NCKAP5: variants seen among roughly 807,000 people sequenced by gnomAD.
The protein encoded by NCKAP5 is NCK associated protein 5, also known as nck-associated protein 5.
A neutral mutation model predicts 167.0 loss-of-function variants in NCKAP5; 92 were observed. The observed-to-expected ratio is 0.55, with a 90% CI of 0.47 to 0.66. The LOEUF is 0.66. Among genes scored for constraint, NCKAP5 ranks in the 30% least tolerant of loss-of-function variants. The pLI, the probability that NCKAP5 is intolerant of heterozygous loss-of-function variation, is 0.00. For missense variants in NCKAP5, 2,378 were observed against 2,315.0 expected, an observed-to-expected ratio of 1.03 and a Z score of -0.56; for synonymous variants, 891 against 877.4, an observed-to-expected ratio of 1.02 and a Z score of -0.27.
At chr2:132,775,747 T>TA (rs1682493469) in intron 15 of NCKAP5, among the ~76,000 whole-genome samples, 2 of 152,212 alleles carry the variant, frequency 1.3e-5, no homozygotes, top group Admixed American at 1.3e-4. Flanking sequence ...TTTCCATTAA[T>TA]AATCCACTGG....
At chr2:133,342,566 T>C (rs953313442) in intron 3 of NCKAP5, among the ~76,000 whole-genome samples, 2 of 152,146 alleles carry the variant, frequency 1.3e-5, no homozygotes, top group African/African-American at 4.8e-5. Context: ...TATACTAGTA[T>C]GCTTTTTTTC....
At chr2:132,998,668 G>T (rs2077683078) in intron 6 of NCKAP5, among the ~76,000 whole-genome samples, 1 of 151,908 alleles carries the variant, frequency 6.6e-6, no homozygotes, top group African/African-American at 2.4e-5. Context: ...AAAGACTAAA[G>T]CATCTTCCAT....
chr2:133,262,384 C>A (rs372709208), intron 4 of NCKAP5, among the ~76,000 whole-genome samples: 1 of 152,278 alleles, frequency 6.6e-6, no homozygotes, highest in South Asian at 2.1e-4. Context: ...ATGTTCAAGA[C>A]CTTTCAACAC....
rs186150858 is a variant in NCKAP5, at chr2:133,485,055, T to C, written c.69+32403A>G. 1.5e-4 allele frequency among the ~76,000 whole-genome samples: 23 copies of C among 152,328 alleles called. No homozygotes were observed. The East Asian group carries it at 4.4e-3, about 29-fold the overall frequency. On this transcript the variant is annotated intron_variant, in intron 3 of 19. Coordinates refer to ENST00000409261, the MANE Select transcript of NCKAP5 (RefSeq NM_207363.3). Reference sequence around the variant, plus strand: ...GCTTGATGTAGTATATGCCTATCATTCCATCATTCATTTACTTGGCCATCA... The same window carrying C: ...GCTTGATGTAGTATATGCCTATCATCCCATCATTCATTTACTTGGCCATCA...
At chr2:133,625,306 C>T in the NCKAP5 span, among the ~76,000 whole-genome samples, 1 of 152,116 alleles carries the variant, frequency 6.6e-6, no homozygotes, top group Non-Finnish European at 1.5e-5. Flanking sequence ...AGACACTATA[C>T]ATATTCCTTT....
At chr2:133,388,490 G>A (rs1687159020) in intron 3 of NCKAP5, among the ~76,000 whole-genome samples, 1 of 152,212 alleles carries the variant, frequency 6.6e-6, no homozygotes, top group Non-Finnish European at 1.5e-5. Context: ...GGGGGTCAGG[G>A]ACCCACTTGA....
chr2:133,509,004 T>C (rs911481625), intron 3 of NCKAP5, among the ~76,000 whole-genome samples: 2 of 152,246 alleles, frequency 1.3e-5, no homozygotes, highest in Non-Finnish European at 2.9e-5. Context: ...CTACCTCTGA[T>C]GCTGGCAGAC....
At chr2:132,864,353 A>G (rs201132934) in intron 10 of NCKAP5, among the ~76,000 whole-genome samples, 3 of 930 alleles carry the variant, frequency 3.2e-3, no homozygotes, top group African/African-American at 3.4e-3. Context: ...TAATATCATG[A>G]AAAAAAAAAA....
chr2:133,610,230 G>A, the NCKAP5 span, among the ~76,000 whole-genome samples: 3 of 152,142 alleles, frequency 2.0e-5, no homozygotes, highest in East Asian at 5.8e-4. Flanking sequence ...ATGGCTAAAA[G>A]AGACATATTT....
At chr2:132,927,206 A>G (rs959897504) in intron 8 of NCKAP5, among the ~76,000 whole-genome samples, 3 of 152,038 alleles carry the variant, frequency 2.0e-5, no homozygotes, top group Non-Finnish European at 2.9e-5. Context: ...TGGGTTCTCT[A>G]TTCTGTTTCT....
chr2:133,224,971 T>C (rs537728314), intron 4 of NCKAP5, among the ~76,000 whole-genome samples: 31 of 152,180 alleles, frequency 2.0e-4, no homozygotes, highest in Non-Finnish European at 3.2e-4. Flanking sequence ...ATTCCTTATG[T>C]TGCCACGCTC....
Position 133,054,810 on chromosome 2 carries a change from G to A in NCKAP5, c.342-60571C>T, listed in dbSNP as rs570504869. ...GCAATCAGATGTCCAGGGGGCCACC[G>A]TGGTTCATTGTTCAGGAAAATCACG... is the stretch of plus-strand genomic sequence containing the variant. On this transcript the variant is annotated intron_variant, in intron 6 of 19. Transcript: ENST00000409261. 1.4e-4 allele frequency among the ~76,000 whole-genome samples: 22 copies of A among 152,238 alleles called. No individual in the cohort carries two copies. The East Asian group carries it at 1.9e-3, about 13-fold the overall frequency.
chr2:132,774,671 G>A (rs1458713189), intron 15 of NCKAP5, among the ~76,000 whole-genome samples: 5 of 152,270 alleles, frequency 3.3e-5, no homozygotes, highest in Admixed American at 1.3e-4. Flanking sequence ...TGGCATGAAA[G>A]CCCAGGCCCC....
In NCKAP5 at chr2:133,024,927, T is replaced by C. The variant is rs1442760607; in HGVS notation, c.342-30688A>G. Among the ~76,000 whole-genome samples, 4 of 152,334 alleles carry C rather than the reference T, an allele frequency of 2.6e-5. No individual in the cohort carries two copies. In the East Asian group the frequency reaches 7.7e-4, roughly 29 times the overall value. ...CCCACCACACATCTTCCAGGAGTGATAATGCATTTGACTATATGCCATATA... is the reference window on the plus strand; with the variant it reads ...CCCACCACACATCTTCCAGGAGTGACAATGCATTTGACTATATGCCATATA... On this transcript the variant is annotated intron_variant, in intron 6 of 19. Coordinates refer to ENST00000409261, the MANE Select transcript of NCKAP5 (RefSeq NM_207363.3).
intron 8 of NCKAP5, among the ~76,000 whole-genome samples, chr2:132,898,231 T>A (rs1325432132): frequency 6.6e-6 from 1 of 152,208 alleles, no homozygotes. Context: ...TGCTCATCCA[T>A]AAGAAGCAAC....
intron 6 of NCKAP5, among the ~76,000 whole-genome samples, chr2:132,999,212 C>T (rs567612768): frequency 2.7e-4 from 41 of 152,288 alleles, no homozygotes; most frequent in African/African-American, 7.9e-4. Flanking sequence ...AAGGTACACA[C>T]TATGTAATCA....
intron 6 of NCKAP5, among the ~76,000 whole-genome samples, chr2:133,019,326 T>A (rs1438985478): frequency 1.3e-5 from 2 of 152,188 alleles, no homozygotes; most frequent in South Asian, 4.2e-4. Context: ...TAGGGTATTT[T>A]GATAAGGGAT....
chr2:132,771,855 T>G (rs1358849849), intron 16 of NCKAP5, among the ~76,000 whole-genome samples: 1 of 145,408 alleles, frequency 6.9e-6, no homozygotes, highest in Non-Finnish European at 1.5e-5. Flanking sequence ...TTTTTTTTTT[T>G]TTTTTTTTTG....
At chr2:132,979,654 C>G (rs1040586228) in intron 7 of NCKAP5, among the ~76,000 whole-genome samples, 15 of 152,342 alleles carry the variant, frequency 9.8e-5, no homozygotes, top group African/African-American at 3.6e-4. Context: ...TCTCTGCTTC[C>G]TCTCACCAGA....
Sources: gnomAD v4.1 joint callset for allele counts (sites outside exome capture counted in the v4.1 genomes callset) on GRCh38, gnomAD v4.1.1 for gene constraint, MANE v1.5 for transcripts, NCBI Gene and HGNC (gene_info 2026-07-23, HGNC 2026-07-21) for gene names.